Variants in PUDP observed in about 807,000 individuals in gnomAD.
PUDP encodes pseudouridine-5'-phosphatase.
A neutral mutation model predicts 9.4 loss-of-function variants in PUDP; 8 were observed. The observed-to-expected ratio is 0.85, with a 90% CI of 0.50 to 1.53. PUDP has a LOEUF of 1.53. Ranked by LOEUF, PUDP falls within the 40% of genes most tolerant of loss-of-function variation. PUDP has a pLI of 0.00. For missense variants in PUDP, 188 were observed against 189.7 expected (o/e 0.99, Z 0.05); for synonymous variants, 99 against 80.7 (o/e 1.23, Z -1.22).
At chrX:6,725,378 AC>A (rs1325472275), upstream of PUDP, among the ~76,000 whole-genome samples, 1 of 110,750 alleles carries the variant, frequency 9.0e-6, no homozygotes, top group Non-Finnish European at 1.9e-5. Context: ...CTCATCCTTC[AC>A]CCCCTTCTCA....
chrX:7,143,290 G>A (rs755711628), intron 1 of PUDP, among the ~76,000 whole-genome samples: 4 of 111,673 alleles, frequency 3.6e-5, no homozygotes, highest in Non-Finnish European at 5.6e-5. Flanking sequence ...ATTTTATTGC[G>A]ATGTTTGCTT....
chrX:6,907,404 T>G (rs1250294886), intron 3 of PUDP, among the ~76,000 whole-genome samples: 1 of 111,947 alleles, frequency 8.9e-6, no homozygotes, highest in Admixed American at 9.5e-5. Flanking sequence ...ACTAATACAC[T>G]ACTCAAACAT....
At chrX:6,747,497 A>G (rs112766714) in intron 3 of PUDP, among the ~76,000 whole-genome samples, 5,962 of 112,352 alleles carry the variant, frequency 0.053, 146 homozygotes, top group African/African-American at 0.08. Context: ...GAGTATATTG[A>G]TCATTGGCTA....
At chrX:6,878,345 TA>T (rs1927295883) in intron 3 of PUDP, among the ~76,000 whole-genome samples, 1 of 109,503 alleles carries the variant, frequency 9.1e-6, no homozygotes, top group Admixed American at 9.9e-5. Flanking sequence ...TCCTATATTA[TA>T]AAACATTACT....
intron 1 of PUDP, among the ~76,000 whole-genome samples, chrX:6,983,828 A>G (rs910122611): frequency 8.9e-6 from 1 of 112,336 alleles, no homozygotes; most frequent in Admixed American, 9.4e-5. Context: ...TAACTTTGTA[A>G]CTTTACTTCA....
chrX:6,717,982 A>G (rs941295320), intron 1 of PUDP, among the ~76,000 whole-genome samples: 1 of 110,533 alleles, frequency 9.0e-6, no homozygotes, highest in Admixed American at 9.6e-5. Flanking sequence ...TTACATGTTT[A>G]TTGGTCATTT....
rs1353937928 is a variant in PUDP at position 7,085,297 on chromosome X, C to G, written c.281-7848G>C. On this transcript the variant is annotated intron_variant, in intron 2 of 3. Coordinates refer to ENST00000381077, the MANE Select transcript of PUDP (RefSeq NM_012080.5). ...TCTCACAAGGGTACCATGTTCTGAA[C>G]AACACTGAGCTTTGGAATACTAGAA... 3 of 112,574 alleles carry G rather than the reference C, an allele frequency of 2.7e-5. No individual in the cohort carries two copies. In the Admixed American group the frequency reaches 2.8e-4, roughly 11 times the overall value. The allele number at this position is 112,574 out of a possible 1,213,427, so 9.3% of individuals were successfully genotyped here. A position where few individuals can be genotyped will look rare whatever the true frequency, so the allele number is the denominator to read the frequency against.
At chrX:6,866,514 G>A (rs773106882) in intron 3 of PUDP, among the ~76,000 whole-genome samples, 3 of 111,240 alleles carry the variant, frequency 2.7e-5, no homozygotes, top group East Asian at 5.7e-4. Context: ...GGGAAGCTGC[G>A]CCCTGTAACA....
chrX:6,899,709 T>A (rs180725361), intron 3 of PUDP, among the ~76,000 whole-genome samples: 29 of 105,498 alleles, frequency 2.7e-4, no homozygotes, highest in African/African-American at 9.6e-4. Flanking sequence ...ATGATGATGA[T>A]GAAGATGAAC....
intron 1 of PUDP, among the ~76,000 whole-genome samples, chrX:6,999,526 G>A (rs1164703742): frequency 9.0e-6 from 1 of 111,619 alleles, no homozygotes; most frequent in African/African-American, 3.3e-5. Context: ...TCATAAAGCA[G>A]GTTTTCAATA....
intron 3 of PUDP, among the ~76,000 whole-genome samples, chrX:6,945,987 G>C (rs1474608751): frequency 9.0e-6 from 1 of 110,887 alleles, no homozygotes; most frequent in African/African-American, 3.3e-5. Flanking sequence ...GCTTCCCTAA[G>C]GGTTAAATAG....
intron 3 of PUDP, among the ~76,000 whole-genome samples, chrX:6,752,573 T>C (rs1255454617): frequency 9.0e-6 from 1 of 111,549 alleles, no homozygotes; most frequent in East Asian, 2.8e-4. Flanking sequence ...ACAAATGAAG[T>C]AAAGGTGGCA....
chrX:6,975,662 G>A (rs1332398831), intron 3 of PUDP, among the ~76,000 whole-genome samples: 1 of 111,543 alleles, frequency 9.0e-6, no homozygotes, highest in Non-Finnish European at 1.9e-5. Flanking sequence ...CCTACTGGGA[G>A]GTGTCTCCCA....
chrX:6,739,930 T>C (rs1017801063), intron 3 of PUDP, among the ~76,000 whole-genome samples: 2 of 111,371 alleles, frequency 1.8e-5, no homozygotes, highest in Non-Finnish European at 3.8e-5. Flanking sequence ...TTCTCATTTA[T>C]TTATTAGCCT....
rs112423408 is a variant in PUDP, at chrX:7,019,789, G to A, written c.205-41446C>T. ...CACCCTACGATGCTCCCTGTGTGCA[G>A]GATAGTATATTTGTTTGATTTTTCT... On this transcript the variant is annotated intron_variant and NMD_transcript_variant, in intron 1 of 3. Coordinates refer to the PUDP transcript ENST00000655425. Among the ~76,000 whole-genome samples, 429 of 111,428 alleles carry A rather than the reference G, an allele frequency of 3.9e-3. 3 individuals are homozygous for A. The highest frequency in any genetic ancestry group is 0.014 in the African/African-American group (414 of 30,640).
At chrX:7,076,568 A>G (rs778178919) in intron 3 of PUDP, among the ~76,000 whole-genome samples, 1 of 111,750 alleles carries the variant, frequency 8.9e-6, no homozygotes, top group East Asian at 2.8e-4. Flanking sequence ...CGCTCTGCCC[A>G]GGTCACCTGA....
rs778531162 is a variant in PUDP at position 6,794,784 on chromosome X, T to C, written c.*248-88318A>G. 4.5e-5 allele frequency among the ~76,000 whole-genome samples: 5 copies of C among 110,027 alleles called. No individual in the cohort carries two copies. In the South Asian group the frequency reaches 2.0e-3, roughly 43 times the overall value. Reference sequence around the variant, plus strand: ...CATGTTGGTCAGGCTGGTCTCAAACTGCTGACCTCAGGTGATCTGCCACCT... The same window carrying C: ...CATGTTGGTCAGGCTGGTCTCAAACCGCTGACCTCAGGTGATCTGCCACCT... On this transcript the variant is annotated intron_variant and NMD_transcript_variant, in intron 3 of 3. Coordinates refer to the PUDP transcript ENST00000655425.
At chrX:6,752,691 G>A (rs756743957) in intron 3 of PUDP, among the ~76,000 whole-genome samples, 3 of 111,040 alleles carry the variant, frequency 2.7e-5, no homozygotes, top group African/African-American at 9.8e-5. Flanking sequence ...AAGAAGGAGG[G>A]AAGGATAGGA....
chrX:7,080,726 CCTAA>C (rs1161833679), intron 2 of PUDP, among the ~76,000 whole-genome samples: 1 of 111,108 alleles, frequency 9.0e-6, no homozygotes, highest in East Asian at 2.8e-4. Context: ...TAAACCTTAA[CCTAA>C]CTGATGGATG....
Sources: allele counts gnomAD v4.1 joint callset (sites outside exome capture counted in the v4.1 genomes callset), GRCh38; gene constraint gnomAD v4.1.1; transcripts MANE v1.5; gene names NCBI Gene and HGNC (gene_info 2026-07-23, HGNC 2026-07-21).